Variants in DACH2 observed in about 807,000 individuals in gnomAD.
The protein encoded by DACH2 is dachshund family transcription factor 2.
A neutral mutation model predicts 35.8 loss-of-function variants in DACH2; 17 were observed. The observed-to-expected ratio is 0.48, with a 90% confidence interval of 0.33 to 0.71. The LOEUF (loss-of-function observed/expected upper bound fraction) is 0.71, where lower values mean the gene tolerates loss of function less well. DACH2 is among the 30% of genes least tolerant of loss of function. The probability of loss-of-function intolerance (pLI) is 0.02; values close to 1 mark genes in which losing one functional copy is unlikely to be tolerated. For synonymous variants in DACH2, 195 were observed against 177.3 expected (o/e 1.10, Z -0.79); for missense variants, 469 against 472.7 (o/e 0.99, Z 0.07).
At chrX:86,540,999 T>C (rs5923555) in intron 3 of DACH2, among the ~76,000 whole-genome samples, 34,549 of 110,462 alleles carry the variant, frequency 0.31, 4,533 homozygotes, top group Middle Eastern at 0.45. Context: ...ACAGAAATAT[T>C]CATTACCAAA....
chrX:86,719,742 A>G (rs1045981099), intron 6 of DACH2, among the ~76,000 whole-genome samples: 2 of 109,120 alleles, frequency 1.8e-5, no homozygotes, highest in Non-Finnish European at 3.8e-5. Context: ...CACTCCCATG[A>G]TTCAATTACC....
In DACH2 at chrX:86,221,417, A is replaced by G. The variant is rs373093646; in HGVS notation, c.488+72309A>G. ...GCTCTCTATTCTGTTTTATTTGTCT[A>G]TATCTCTGTCTTTATGCTAGTGCCA... On this transcript the variant is annotated intron_variant, in intron 1 of 11. Transcript: ENST00000373125. Among the ~76,000 whole-genome samples, 4 of 111,556 alleles carry G rather than the reference A, an allele frequency of 3.6e-5. No individual in the cohort carries two copies. In the South Asian group the frequency reaches 1.5e-3, roughly 42 times the overall value.
chrX:86,505,618 T>G (rs187920986), intron 2 of DACH2, among the ~76,000 whole-genome samples: 1 of 92,639 alleles, frequency 1.1e-5, no homozygotes, highest in African/African-American at 4.4e-5. Context: ...CAGGATTCCC[T>G]TCCTTTTTAA....
At chrX:86,493,821 T>C (rs1191327709) in intron 2 of DACH2, among the ~76,000 whole-genome samples, 1 of 111,986 alleles carries the variant, frequency 8.9e-6, no homozygotes, top group Non-Finnish European at 1.9e-5. Flanking sequence ...AGATAACAAC[T>C]TCATAATAAT....
chrX:86,386,996 A>G (rs764228753), intron 2 of DACH2, among the ~76,000 whole-genome samples: 4 of 111,555 alleles, frequency 3.6e-5, no homozygotes, highest in Non-Finnish European at 7.5e-5. Context: ...GAATTTGCCC[A>G]TTACTCTTAT....
chrX:86,491,086 A>C (rs953957446), intron 2 of DACH2, among the ~76,000 whole-genome samples: 2 of 111,744 alleles, frequency 1.8e-5, no homozygotes, highest in African/African-American at 6.5e-5. Context: ...AAGTAGAAGT[A>C]AATTGAGTTT....
chrX:86,651,142 G>C lies in DACH2; in HGVS notation c.747G>C (p.Glu249Asp). The C allele has an allele frequency of 8.3e-7, 1 of 1,209,302 alleles. No individual in the cohort carries two copies. Among genetic ancestry groups the C allele is most frequent in the Non-Finnish European group, 1.1e-6 (1 of 894,348 alleles). The change falls in exon 4 of 12, where the codon GAG becomes GAC. Residue 249 changes from glutamate (E) to aspartate (D), a missense_variant. This residue lies in a region of DACH2 where 363 missense variants were observed against 334.4 expected (regional missense o/e 1.09). Coordinates refer to ENST00000373125, the MANE Select transcript of DACH2 (RefSeq NM_053281.3). ...GNGSQNGTES[E>D]PDDLNSNTGG... ...GAAGCCAAAATGGGACCGAATCAGAGCCTGATGATCTTAATTCTAACACAG... is the reference window on the plus strand; with the variant it reads ...GAAGCCAAAATGGGACCGAATCAGACCCTGATGATCTTAATTCTAACACAG...
At chrX:86,392,952 G>A (rs746466084) in intron 2 of DACH2, among the ~76,000 whole-genome samples, 4 of 110,790 alleles carry the variant, frequency 3.6e-5, no homozygotes, top group Non-Finnish European at 7.6e-5. Context: ...AATGGGTGGT[G>A]GTGGTGCTAT....
intron 1 of DACH2, among the ~76,000 whole-genome samples, chrX:86,204,488 C>T (rs143376705): frequency 1.7e-3 from 193 of 111,577 alleles, no homozygotes; most frequent in African/African-American, 6.0e-3. Flanking sequence ...AAGGCATGAT[C>T]GCAGTGGCTG....
chrX:86,161,040 G>A, intron 1 of DACH2: 1 of 1,010,291 alleles, frequency 9.9e-7, no homozygotes. Context: ...CACGTTAGCA[G>A]TTGCCTCCAG....
rs1416669306 is a variant in DACH2 at position 86,587,703 on chromosome X, GTCCT to G, written c.641-63331_641-63328del. Among the ~76,000 whole-genome samples the G allele has an allele frequency of 5.4e-5, 6 of 111,585 alleles. No individual in the cohort carries two copies. The South Asian group carries it at 1.9e-3, about 34-fold the overall frequency. ...CTTCCTTTGAAAAGTGTCTGTTTAT[GTCCT>G]TTGCCCATTTATAAATGTGGTTGTT... is the stretch of plus-strand genomic sequence containing the variant. On this transcript the variant is annotated intron_variant, in intron 3 of 11. Transcript: ENST00000373125.
intron 1 of DACH2, among the ~76,000 whole-genome samples, chrX:86,268,031 A>G (rs1011596838): frequency 8.9e-6 from 1 of 112,185 alleles, no homozygotes; most frequent in African/African-American, 3.2e-5. Context: ...TTGGGAGAAC[A>G]GCAGTAGATG....
chrX:86,441,392 T>C (rs1310710714), intron 2 of DACH2, among the ~76,000 whole-genome samples: 1 of 111,188 alleles, frequency 9.0e-6, no homozygotes, highest in Admixed American at 9.7e-5. Flanking sequence ...CTATGTCTGG[T>C]TTAACTTAAC....
intron 1 of DACH2, among the ~76,000 whole-genome samples, chrX:86,366,852 A>G (rs1045333831): frequency 9.1e-6 from 1 of 110,159 alleles, no homozygotes; most frequent in African/African-American, 3.3e-5. Context: ...GCCTTCCACC[A>G]TGATTATAAG....
intron 2 of DACH2, among the ~76,000 whole-genome samples, chrX:86,494,376 C>T (rs1410841441): frequency 2.7e-5 from 3 of 111,820 alleles, no homozygotes; most frequent in African/African-American, 9.8e-5. Context: ...ACTATGAGCC[C>T]AACCCAGCAC....
intron 1 of DACH2, among the ~76,000 whole-genome samples, chrX:86,246,923 T>G (rs73516004): frequency 0.018 from 1,981 of 111,283 alleles, 45 homozygotes; most frequent in African/African-American, 0.061. Flanking sequence ...TTTGCTGTCT[T>G]TAAGAGACCC....
intron 1 of DACH2, among the ~76,000 whole-genome samples, chrX:86,272,241 TTTAA>T (rs1158996595): frequency 9.2e-6 from 1 of 109,198 alleles, no homozygotes; most frequent in Non-Finnish European, 1.9e-5. Flanking sequence ...TCACATTTTC[TTTAA>T]TTACTTGTTG....
chrX:86,236,400 C>T (rs1331560881), intron 1 of DACH2, among the ~76,000 whole-genome samples: 1 of 111,957 alleles, frequency 8.9e-6, no homozygotes, highest in Non-Finnish European at 1.9e-5. Context: ...ATTGTTAACA[C>T]AAGCCCATAC....
At chrX:86,271,257 G>A (rs1346178567) in intron 1 of DACH2, among the ~76,000 whole-genome samples, 1 of 112,144 alleles carries the variant, frequency 8.9e-6, no homozygotes, top group Non-Finnish European at 1.9e-5. Context: ...GACAATGTTA[G>A]TGCTGTTGTT....
Sources: allele counts gnomAD v4.1 joint callset (sites outside exome capture counted in the v4.1 genomes callset), GRCh38; gene constraint gnomAD v4.1.1; regional missense constraint gnomAD v4.1.1; transcripts MANE v1.5; gene names NCBI Gene and HGNC (gene_info 2026-07-23, HGNC 2026-07-21).